Variants in COL23A1 observed in about 807,000 individuals in gnomAD.
COL23A1 encodes collagen type XXIII alpha 1 chain.
In COL23A1, 97 loss-of-function variants were observed where a neutral mutation model predicts 99.3. That is an observed-to-expected ratio of 0.98 (90% CI 0.83 to 1.16). The LOEUF (loss-of-function observed/expected upper bound fraction) is 1.16. Ranked by LOEUF, COL23A1 falls within the 50% of genes most tolerant of loss-of-function variation. The pLI is 0.00. For missense variants in COL23A1, 762 were observed against 757.4 expected (o/e 1.01, Z -0.07); for synonymous variants, 320 against 308.2 (o/e 1.04, Z -0.40).
intron 1 of COL23A1, among the ~76,000 whole-genome samples, chr5:178,581,565 CAA>C (rs200146446): frequency 7.0e-4 from 77 of 110,686 alleles, no homozygotes; most frequent in South Asian, 2.6e-3. Flanking sequence ...GATTCCGTCT[CAA>C]AAAAAAAAAA....
chr5:178,435,469 GC>G (rs1010863562), intron 2 of COL23A1, among the ~76,000 whole-genome samples: 2 of 152,324 alleles, frequency 1.3e-5, no homozygotes, highest in Admixed American at 1.3e-4. Context: ...CAGAAAGGCA[GC>G]CCAGCCCTGG....
rs913076152 is a variant in COL23A1 at position 178,384,998 on chromosome 5, G to C, written c.362-78079C>G. Among the ~76,000 whole-genome samples, 6 of 152,164 alleles carry C rather than the reference G, an allele frequency of 3.9e-5. No homozygotes were observed. The highest frequency in any genetic ancestry group is 1.3e-4 in the Admixed American group (2 of 15,278). ...CACTGGGCTGCCCAGCCCACTCCAC[G>C]CCGGGGGCTCTGTCCCTAGAGCCTG... is the stretch of plus-strand genomic sequence containing the variant. On this transcript the variant is annotated intron_variant, in intron 2 of 28. Transcript: ENST00000390654. The surrounding 1 kb of genome is among the most constrained non-coding windows in gnomAD (Gnocchi z 5.5).
chr5:178,465,115 G>A (rs1177061025), intron 2 of COL23A1, among the ~76,000 whole-genome samples: 2 of 152,202 alleles, frequency 1.3e-5, no homozygotes, highest in East Asian at 3.9e-4. Flanking sequence ...CTTATTAAGT[G>A]CTCCTGACCT....
At chr5:178,249,712 A>ACTCTCTCTCTCTCTCTCT (rs1425842167) in intron 18 of COL23A1, among the ~76,000 whole-genome samples, 7 of 90,656 alleles carry the variant, frequency 7.7e-5, no homozygotes, top group African/African-American at 2.5e-4. Flanking sequence ...ACACACACAC[A>ACTCTCTCTCTCTCTCTCT]CACACTCTCT....
intron 7 of COL23A1, 96 bp from the exon 8 acceptor site, chr5:178,267,429 T>C: frequency 2.4e-6 from 3 of 1,255,642 alleles, no homozygotes; most frequent in Non-Finnish European, 2.2e-6. Flanking sequence ...ATAGACATGG[T>C]ATGACTTAAT....
chr5:178,240,368 G>A (rs1349809159), intron 27 of COL23A1, among the ~76,000 whole-genome samples: 10 of 152,264 alleles, frequency 6.6e-5, no homozygotes, highest in Non-Finnish European at 1.2e-4. Context: ...GGAAGCAGAA[G>A]CGAGGAAGGC....
chr5:178,546,855 G>A (rs961740186), intron 2 of COL23A1, among the ~76,000 whole-genome samples: 2 of 152,178 alleles, frequency 1.3e-5, no homozygotes, highest in African/African-American at 4.8e-5. Context: ...GAGATTGTGG[G>A]CACCATCTCT....
intron 2 of COL23A1, among the ~76,000 whole-genome samples, chr5:178,532,855 C>G (rs1709747): frequency 0.51 from 77,264 of 151,964 alleles, 20,010 homozygotes; most frequent in Non-Finnish European, 0.57. Context: ...GGCAAGAAGG[C>G]AGCTGCCTAC....
intron 2 of COL23A1, among the ~76,000 whole-genome samples, chr5:178,549,654 A>G (rs1272679122): frequency 6.6e-6 from 1 of 152,022 alleles, no homozygotes; most frequent in South Asian, 2.1e-4. Context: ...TGTCTCTACT[A>G]AATACAAAAA....
At position 178,490,013 on chromosome 5, in the gene COL23A1, C is replaced by A. The variant is rs549147948; in HGVS notation, c.361+70669G>T. Among the ~76,000 whole-genome samples, 3 of 152,046 alleles carry A rather than the reference C, an allele frequency of 2.0e-5. No homozygotes were observed. The East Asian group carries it at 5.8e-4, about 29-fold the overall frequency. On this transcript the variant is annotated intron_variant, in intron 2 of 28. Transcript: ENST00000390654. ...CTTTGGGAGGCCGAGGCGGGCGGAT[C>A]ACCTGAGGTCAGGAGTTTGAGACCA... is the stretch of plus-strand genomic sequence containing the variant.
intron 2 of COL23A1, among the ~76,000 whole-genome samples, chr5:178,311,231 G>T (rs1758652046): frequency 6.6e-6 from 1 of 152,036 alleles, no homozygotes; most frequent in African/African-American, 2.4e-5. Context: ...AACCTGACTG[G>T]TGGGGAAGCT....
At chr5:178,577,895 C>A (rs1043729585) in intron 1 of COL23A1, among the ~76,000 whole-genome samples, 1 of 152,244 alleles carries the variant, frequency 6.6e-6, no homozygotes, top group Non-Finnish European at 1.5e-5. Flanking sequence ...GCCGTCAGGG[C>A]CCAGCTACAG....
rs1246560400 is a variant in COL23A1 at position 178,415,265 on chromosome 5, GT to G, written c.362-108347del. 1.3e-5 allele frequency among the ~76,000 whole-genome samples: 2 copies of G among 152,206 alleles called. No homozygotes were observed. The highest frequency in any genetic ancestry group is 2.9e-5 in the Non-Finnish European group (2 of 68,032). ...CACATGGTGCCAGTTACAGTGCTCA[GT>G]GGGGACGAGCCCGCCTTGCTGGGTG... On this transcript the variant is annotated intron_variant, in intron 2 of 28. Transcript: ENST00000390654. The surrounding 1 kb of genome is among the most constrained non-coding windows in gnomAD (Gnocchi z 4.6).
At chr5:178,512,813 A>G (rs1164502203) in intron 2 of COL23A1, among the ~76,000 whole-genome samples, 2 of 152,220 alleles carry the variant, frequency 1.3e-5, no homozygotes, top group Admixed American at 1.3e-4. Flanking sequence ...CCCGTGACCC[A>G]ATCTGACAGG....
At chr5:178,343,958 G>A (rs572201770) in intron 2 of COL23A1, among the ~76,000 whole-genome samples, 1 of 152,172 alleles carries the variant, frequency 6.6e-6, no homozygotes, top group South Asian at 2.1e-4. Flanking sequence ...ACCGTACCCG[G>A]CCTAAAATGT....
chr5:178,473,441 T>G (rs11748656), intron 2 of COL23A1, among the ~76,000 whole-genome samples: 1 of 148,652 alleles, frequency 6.7e-6, no homozygotes. Context: ...ACTACAGGCA[T>G]GAGCCACTAC....
In COL23A1 at chr5:178,468,008, C is replaced by T. The variant is rs552621161; in HGVS notation, c.361+92674G>A. 2.2e-4 allele frequency among the ~76,000 whole-genome samples: 34 copies of T among 152,190 alleles called. No homozygotes were observed. Among genetic ancestry groups the T allele is most frequent in the Non-Finnish European group, 4.4e-4 (30 of 68,036 alleles). On this transcript the variant is annotated intron_variant, in intron 2 of 28. Transcript: ENST00000390654. The surrounding 1 kb of genome is among the most constrained non-coding windows in gnomAD (Gnocchi z 4.2). ...GAGAAGGAACTGGAAGGCGGCGATG[C>T]TCTCTGGAGCGGACAGGCGTATTTA... is the stretch of plus-strand genomic sequence containing the variant.
intron 2 of COL23A1, among the ~76,000 whole-genome samples, chr5:178,319,837 ACTGGAACTGCGGGTCACTCCGAGGGCAT>A (rs1380625863): frequency 6.6e-6 from 1 of 152,138 alleles, no homozygotes; most frequent in African/African-American, 2.4e-5. Context: ...TCTTAGGCAA[ACTGGAACTGCGGGTCACTCCGAGGGCAT>A]CTGTAAGAAG....
intron 2 of COL23A1, among the ~76,000 whole-genome samples, chr5:178,314,178 A>T (rs1327226622): frequency 6.6e-6 from 1 of 152,038 alleles, no homozygotes; most frequent in Non-Finnish European, 1.5e-5. Flanking sequence ...CAGGAATTAA[A>T]ATCACAGCCT....
Sources: allele counts gnomAD v4.1 joint callset (sites outside exome capture counted in the v4.1 genomes callset), GRCh38; gene constraint gnomAD v4.1.1; non-coding constraint Gnocchi (gnomAD v3.1); transcripts MANE v1.5; gene names NCBI Gene and HGNC (gene_info 2026-07-23, HGNC 2026-07-21).